Variants in FOXP1 observed in about 807,000 individuals in gnomAD.
FOXP1 encodes forkhead box P1, also known as forkhead box protein P1.
Under a neutral mutation model 98.2 loss-of-function variants are expected in FOXP1, and 15 were observed. The ratio of observed to expected loss-of-function variants is 0.15; its 90% CI spans 0.10 to 0.24. FOXP1 has a LOEUF of 0.24. Ranked by LOEUF, FOXP1 falls within the 10% of genes least tolerant of loss-of-function variation. FOXP1 has a pLI of 1.00. For synonymous variants in FOXP1, 371 were observed against 314.5 expected, an observed-to-expected ratio of 1.18 and a Z score of -1.90; for missense variants, 633 against 848.5, an observed-to-expected ratio of 0.75 and a Z score of 3.15.
chr3:71,529,578 G>C (rs180874160), intron 2 of FOXP1, among the ~76,000 whole-genome samples: 4 of 152,296 alleles, frequency 2.6e-5, no homozygotes, highest in Admixed American at 2.6e-4. Flanking sequence ...TGACCTCCAA[G>C]TTCTGACTTC....
At chr3:71,338,297 C>A (rs1467712367) in intron 4 of FOXP1, among the ~76,000 whole-genome samples, 1 of 151,180 alleles carries the variant, frequency 6.6e-6, no homozygotes, top group Non-Finnish European at 1.5e-5. Context: ...TAATCCTCTT[C>A]GGTTATTAGC....
At chr3:71,197,021 A>T (rs2063341404) in intron 6 of FOXP1, among the ~76,000 whole-genome samples, 1 of 152,208 alleles carries the variant, frequency 6.6e-6, no homozygotes, top group African/African-American at 2.4e-5. Flanking sequence ...CTAACAGTCT[A>T]ATCATTCCTT....
intron 6 of FOXP1, among the ~76,000 whole-genome samples, chr3:71,174,569 A>G (rs2061818716): frequency 6.6e-6 from 1 of 152,190 alleles, no homozygotes; most frequent in Non-Finnish European, 1.5e-5. Flanking sequence ...TTCACAGATC[A>G]TGGAAGGGTC....
chr3:71,268,300 C>T (rs758861382), intron 5 of FOXP1, among the ~76,000 whole-genome samples: 7 of 151,470 alleles, frequency 4.6e-5, no homozygotes, highest in African/African-American at 1.2e-4. Flanking sequence ...ATGAAGGAGG[C>T]GGAAAATAAT....
At chr3:71,438,398 C>T (rs558322006) in intron 3 of FOXP1, among the ~76,000 whole-genome samples, 32 of 152,198 alleles carry the variant, frequency 2.1e-4, no homozygotes, top group Non-Finnish European at 4.0e-4. Context: ...ACTTCTTTAT[C>T]CACCTTTAAG....
chr3:71,048,749 C>T (rs1180770052), intron 9 of FOXP1, among the ~76,000 whole-genome samples: 1 of 134,780 alleles, frequency 7.4e-6, no homozygotes, highest in Non-Finnish European at 1.5e-5. Flanking sequence ...GAGAAAAAAA[C>T]AACATTGACA....
intron 6 of FOXP1, among the ~76,000 whole-genome samples, chr3:71,145,228 A>AT (rs1416094108): frequency 6.9e-4 from 105 of 151,582 alleles, no homozygotes; most frequent in Admixed American, 2.5e-3. Context: ...ATTTTTATTT[A>AT]TTTATTTTTT....
At chr3:71,336,341 G>A (rs2076678576) in intron 4 of FOXP1, among the ~76,000 whole-genome samples, 1 of 152,128 alleles carries the variant, frequency 6.6e-6, no homozygotes, top group Admixed American at 6.5e-5. Flanking sequence ...CGTGTGCCAT[G>A]GTGGTTTGCT....
intron 2 of FOXP1, among the ~76,000 whole-genome samples, chr3:71,510,040 G>A (rs566948952): frequency 9.0e-4 from 137 of 152,214 alleles, no homozygotes; most frequent in Non-Finnish European, 1.5e-3. Context: ...TTAGCCAGGC[G>A]TGTGGTGGCA....
At chr3:71,282,641 G>C (rs913920907) in intron 5 of FOXP1, among the ~76,000 whole-genome samples, 1 of 152,078 alleles carries the variant, frequency 6.6e-6, no homozygotes, top group Non-Finnish European at 1.5e-5. Context: ...AAGAAATCTG[G>C]TTACTTCCTC....
chr3:71,369,790 G>C lies in FOXP1; in HGVS notation c.-167-10546C>G, dbSNP rs151238349. Among the ~76,000 whole-genome samples, 796 of 152,238 alleles carry C rather than the reference G, an allele frequency of 5.2e-3. 12 individuals are homozygous for C. The highest frequency in any genetic ancestry group is 0.018 in the African/African-American group (760 of 41,536). ...ATAGAGTGTAGTTAATCAACTCAGA[G>C]GGAAAGCATCCAAGAAACAGCTACT... On this transcript the variant is annotated intron_variant, in intron 3 of 20. Coordinates refer to ENST00000649528, the MANE Select transcript of FOXP1 (RefSeq NM_001349338.3).
intron 13 of FOXP1, among the ~76,000 whole-genome samples, chr3:71,000,374 G>A (rs578040834): frequency 4.6e-5 from 7 of 151,952 alleles, no homozygotes; most frequent in African/African-American, 1.4e-4. Flanking sequence ...GATGTGCACG[G>A]TGAACTCTCA....
chr3:71,123,319 T>C (rs959851889), intron 6 of FOXP1, among the ~76,000 whole-genome samples: 3 of 152,166 alleles, frequency 2.0e-5, no homozygotes, highest in Non-Finnish European at 2.9e-5. Flanking sequence ...CAGGAAGGAA[T>C]TAACAAGCCC....
At chr3:71,450,416 T>C (rs1189260001) in intron 3 of FOXP1, among the ~76,000 whole-genome samples, 1 of 152,198 alleles carries the variant, frequency 6.6e-6, no homozygotes, top group Non-Finnish European at 1.5e-5. Flanking sequence ...TCGTTGCCAG[T>C]GAATGCCACT....
chr3:71,229,016 A>C (rs2066070315), intron 5 of FOXP1, among the ~76,000 whole-genome samples: 1 of 148,176 alleles, frequency 6.7e-6, no homozygotes, highest in African/African-American at 2.5e-5. Context: ...TGGTTTAATG[A>C]GCAGACCTGT....
At chr3:71,231,020 C>G (rs1490659871) in intron 5 of FOXP1, among the ~76,000 whole-genome samples, 4 of 152,158 alleles carry the variant, frequency 2.6e-5, no homozygotes, top group African/African-American at 7.2e-5. Context: ...TCCCTCCGCT[C>G]TTTAATCATA....
intron 4 of FOXP1, among the ~76,000 whole-genome samples, chr3:71,344,999 T>C (rs866825653): frequency 6.6e-6 from 1 of 152,146 alleles, no homozygotes; most frequent in African/African-American, 2.4e-5. Context: ...ATCAACTAAC[T>C]AGTTTATAAG....
chr3:71,196,740 A>C (rs942198276), intron 6 of FOXP1, among the ~76,000 whole-genome samples: 6 of 152,228 alleles, frequency 3.9e-5, no homozygotes, highest in African/African-American at 1.4e-4. Context: ...GGTTTTGCTA[A>C]CAACCTCACT....
chr3:70,991,971 CG>C (rs1475962158), intron 13 of FOXP1, among the ~76,000 whole-genome samples: 1 of 152,068 alleles, frequency 6.6e-6, no homozygotes, highest in African/African-American at 2.4e-5. Flanking sequence ...TAGAGTTAGA[CG>C]GGATTTTAAA....
Sources: allele counts gnomAD v4.1 joint callset (sites outside exome capture counted in the v4.1 genomes callset), GRCh38; gene constraint gnomAD v4.1.1; transcripts MANE v1.5; gene names NCBI Gene and HGNC (gene_info 2026-07-23, HGNC 2026-07-21).